CEP85L: variants seen among roughly 807,000 people sequenced by gnomAD.
CEP85L encodes the protein centrosomal protein 85L.
CEP85L carries 60 observed loss-of-function variants against 100.3 expected under a neutral mutation model. The ratio of observed to expected loss-of-function variants is 0.60; its 90% CI spans 0.49 to 0.74. The LOEUF (loss-of-function observed/expected upper bound fraction) is 0.74, where lower values mean the gene tolerates loss of function less well. Ranked by LOEUF, CEP85L falls within the 30% of genes least tolerant of loss-of-function variation. CEP85L has a pLI of 0.00. For missense variants in CEP85L, 973 were observed against 936.2 expected, an observed-to-expected ratio of 1.04 and a Z score of -0.51; for synonymous variants, 319 against 322.7, an observed-to-expected ratio of 0.99 and a Z score of 0.12.
intron 5 of CEP85L, among the ~76,000 whole-genome samples, 180 bp from the exon 6 acceptor site, chr6:118,492,045 A>G (rs909494268): frequency 6.6e-6 from 1 of 152,150 alleles, no homozygotes; most frequent in African/African-American, 2.4e-5. Flanking sequence ...TAAATTACTT[A>G]CCTTCTCAAA....
At chr6:118,643,148 T>G (rs1053961523) in intron 1 of CEP85L, among the ~76,000 whole-genome samples, 1 of 152,198 alleles carries the variant, frequency 6.6e-6, no homozygotes, top group Non-Finnish European at 1.5e-5. Context: ...CTTAAAATAT[T>G]ACAAAATAAT....
intron 6 of CEP85L, among the ~76,000 whole-genome samples, chr6:118,484,743 A>T (rs1438873609): frequency 1.4e-5 from 2 of 140,756 alleles, no homozygotes; most frequent in Non-Finnish European, 3.1e-5. Context: ...AGAGGAAGAT[A>T]CTACAAGTAA....
At chr6:118,684,221 C>G (rs779279680) in intron 1 of CEP85L, among the ~76,000 whole-genome samples, 17 of 152,176 alleles carry the variant, frequency 1.1e-4, no homozygotes, top group Admixed American at 5.2e-4. Flanking sequence ...AAAACACCCC[C>G]CTACGTTTAC....
chr6:118,564,248 C>T (rs1277651313), intron 3 of CEP85L, among the ~76,000 whole-genome samples: 3 of 152,170 alleles, frequency 2.0e-5, no homozygotes, highest in Admixed American at 2.0e-4. Flanking sequence ...ATCTCTATCA[C>T]ACCTACTCTA....
intron 5 of CEP85L, chr6:118,502,298 G>C: frequency 1.9e-6 from 1 of 527,826 alleles, no homozygotes; most frequent in Non-Finnish European, 3.5e-6. Context: ...GCAATCTATG[G>C]GGGAAGACTG....
At chr6:118,494,994 T>C (rs192614142) in intron 5 of CEP85L, among the ~76,000 whole-genome samples, 1 of 150,632 alleles carries the variant, frequency 6.6e-6, no homozygotes, top group Admixed American at 6.6e-5. Flanking sequence ...AAAAAAGAAA[T>C]GCTAAAGATT....
chr6:118,642,586 T>C (rs556955351), intron 1 of CEP85L, among the ~76,000 whole-genome samples: 2 of 152,258 alleles, frequency 1.3e-5, no homozygotes, highest in South Asian at 4.1e-4. Flanking sequence ...AGTTAAAAAA[T>C]ACCTACATTA....
At chr6:118,503,684 A>G (rs1284587923) in intron 5 of CEP85L, among the ~76,000 whole-genome samples, 2 of 152,110 alleles carry the variant, frequency 1.3e-5, no homozygotes, top group East Asian at 1.9e-4. Context: ...AATACAGGGG[A>G]AAAAACAGCC....
At chr6:118,630,880 C>T (rs1774100470) in intron 2 of CEP85L, among the ~76,000 whole-genome samples, 1 of 152,216 alleles carries the variant, frequency 6.6e-6, no homozygotes, top group Non-Finnish European at 1.5e-5. Flanking sequence ...CACAAACCCA[C>T]TGCACATGCA....
Position 118,566,308 on chromosome 6 carries a change from T to G in CEP85L, c.241A>C (p.Thr81Pro), listed in dbSNP as rs778937017. The G allele has an allele frequency of 8.1e-6, 13 of 1,610,972 alleles. No homozygotes were observed. Among genetic ancestry groups the G allele is most frequent in the Non-Finnish European group, 7.6e-6 (9 of 1,178,744 alleles). Residue 81 changes from threonine to proline, a missense_variant, in exon 3 of 13, where the codon ACT becomes CCT. By Grantham distance (38) the Thr-to-Pro change is conservative. This residue lies in a region of CEP85L where 890 missense variants were observed against 844.5 expected (regional missense o/e 1.05). Transcript: ENST00000368491. Reference sequence around the variant, plus strand: ...TTAAAAGATAATGTGCCACTTGAAGTTGAATGATCTGGAAAGAAAAAAGAT... The same window carrying G: ...TTAAAAGATAATGTGCCACTTGAAGGTGAATGATCTGGAAAGAAAAAAGAT... The part of the protein sequence containing the change: ...SCSDSVEDHS[T>P]SSGTLSFKPS...
At chr6:118,637,253 G>A (rs893234807) in intron 1 of CEP85L, among the ~76,000 whole-genome samples, 1 of 152,142 alleles carries the variant, frequency 6.6e-6, no homozygotes, top group African/African-American at 2.4e-5. Flanking sequence ...TTGAATCACA[G>A]AGCAGTACAT....
intron 1 of CEP85L, among the ~76,000 whole-genome samples, chr6:118,708,296 T>TG (rs1177723866): frequency 6.6e-6 from 1 of 152,172 alleles, no homozygotes; most frequent in Non-Finnish European, 1.5e-5. Flanking sequence ...AATCTGGGCC[T>TG]GGGATGGAAG....
At chr6:118,554,838 T>A (rs913117433) in intron 3 of CEP85L, among the ~76,000 whole-genome samples, 2 of 152,106 alleles carry the variant, frequency 1.3e-5, no homozygotes, top group Non-Finnish European at 2.9e-5. Context: ...TAGAACAACA[T>A]GTGCAAAGAA....
intron 1 of CEP85L, among the ~76,000 whole-genome samples, chr6:118,669,638 C>T (rs1776235460): frequency 6.6e-6 from 1 of 152,100 alleles, no homozygotes; most frequent in South Asian, 2.1e-4. Context: ...ACCAATTTCT[C>T]CAAGTCAGAA....
intron 4 of CEP85L, among the ~76,000 whole-genome samples, chr6:118,512,782 C>T (rs1040690102): frequency 1.3e-5 from 2 of 152,062 alleles, no homozygotes; most frequent in Non-Finnish European, 2.9e-5. Context: ...AAAACTGCTT[C>T]CTAGAATAAA....
At chr6:118,524,227 G>A (rs1259511877) in intron 3 of CEP85L, among the ~76,000 whole-genome samples, 4 of 152,260 alleles carry the variant, frequency 2.6e-5, no homozygotes, top group Middle Eastern at 6.8e-3. Context: ...TTGGGAGGCC[G>A]AGGTCAGGAG....
intron 1 of CEP85L, among the ~76,000 whole-genome samples, chr6:118,703,382 A>G (rs1312004450): frequency 6.6e-6 from 1 of 152,166 alleles, no homozygotes; most frequent in Non-Finnish European, 1.5e-5. Flanking sequence ...TTGTTATTCA[A>G]CCATACTTAA....
At chr6:118,694,404 T>C (rs1583267137) in intron 1 of CEP85L, among the ~76,000 whole-genome samples, 2 of 152,354 alleles carry the variant, frequency 1.3e-5, no homozygotes, top group East Asian at 3.9e-4. Flanking sequence ...ATATGTATCA[T>C]ATTTTACCAA....
At position 118,679,566 on chromosome 6, in the gene CEP85L, G is replaced by A. The variant is rs1286153743; in HGVS notation, c.-27-26758C>T. Among the ~76,000 whole-genome samples, 3 of 152,286 alleles carry A rather than the reference G, an allele frequency of 2.0e-5. No homozygotes were observed. In the East Asian group the frequency reaches 5.8e-4, roughly 29 times the overall value. On this transcript the variant is annotated intron_variant, in intron 1 of 13. Coordinates refer to the CEP85L transcript ENST00000368488. ...TTGTAACTTTGCCTAACATGTCTTA[G>A]TCATGTAGTGTCCCAGTCTACTTAT...
Sources: allele counts gnomAD v4.1 joint callset (sites outside exome capture counted in the v4.1 genomes callset), GRCh38; gene constraint gnomAD v4.1.1; regional missense constraint gnomAD v4.1.1; transcripts MANE v1.5; gene names NCBI Gene and HGNC (gene_info 2026-07-23, HGNC 2026-07-21).